XPO5: variants seen among roughly 807,000 people sequenced by gnomAD.
XPO5 encodes exportin 5.
Under a neutral mutation model 160.6 loss-of-function variants are expected in XPO5, and 46 were observed. The ratio of observed to expected loss-of-function variants is 0.29; its 90% confidence interval spans 0.23 to 0.37. XPO5 has a LOEUF of 0.37. Among genes scored for constraint, XPO5 ranks in the 10% least tolerant of loss-of-function variants. XPO5 has a pLI of 1.00. For missense variants in XPO5, 1,090 were observed against 1,463.9 expected (o/e 0.74, Z 4.17); for synonymous variants, 537 against 519.3 (o/e 1.03, Z -0.46).
At chr6:43,547,759 A>G (rs1454993143) in intron 18 of XPO5, 52 bp from the exon 19 acceptor site, 23 of 1,533,846 alleles carry the variant, frequency 1.5e-5, no homozygotes, top group Admixed American at 3.4e-5. Context: ...AAACAAGGAC[A>G]GTTTCTTCCA....
At chr6:43,565,122 G>A (rs1044268128) in intron 8 of XPO5, among the ~76,000 whole-genome samples, 4 of 151,812 alleles carry the variant, frequency 2.6e-5, no homozygotes, top group Non-Finnish European at 5.9e-5. Flanking sequence ...GGGTTTCACC[G>A]TGTTGGCCAG....
rs753409228 is a variant in XPO5 at position 43,523,689 on chromosome 6, T to C, written c.*179A>G. The C allele has an allele frequency of 1.1e-5, 10 of 948,038 alleles. No homozygotes were observed. Among genetic ancestry groups the C allele is most frequent in the Admixed American group, 6.8e-5 (4 of 59,106 alleles). The allele number at this position is 948,038 out of a possible 1,614,324, so 58.7% of individuals were successfully genotyped here. On this transcript the variant is annotated 3_prime_UTR_variant, in exon 32 of 32. Transcript: ENST00000265351. ...GCCCTAACTCCCTTTCTTGATACTTTAGTATAATTACTTCTGGTCCTGCAC... is the reference window on the plus strand; with the variant it reads ...GCCCTAACTCCCTTTCTTGATACTTCAGTATAATTACTTCTGGTCCTGCAC...
intron 26 of XPO5, chr6:43,526,978 TGA>T (rs1793638058): frequency 7.7e-6 from 4 of 521,002 alleles, no homozygotes; most frequent in African/African-American, 3.8e-5. Flanking sequence ...CAGAATTCTC[TGA>T]GAGTGAGTGA....
At chr6:43,571,167 A>T (rs1358391124) in intron 3 of XPO5, among the ~76,000 whole-genome samples, 173 bp from the exon 4 acceptor site, 1 of 152,064 alleles carries the variant, frequency 6.6e-6, no homozygotes, top group Non-Finnish European at 1.5e-5. Context: ...CTTGCTAATC[A>T]CTCTTCCGCT....
intron 20 of XPO5, among the ~76,000 whole-genome samples, chr6:43,542,868 T>G (rs918366112): frequency 6.6e-6 from 1 of 152,210 alleles, no homozygotes; most frequent in Non-Finnish European, 1.5e-5. Context: ...CTCCTATGTG[T>G]GTATCCAACA....
At position 43,531,518 on chromosome 6, in the gene XPO5, T is replaced by C. The variant is rs761302616; in HGVS notation, c.2501A>G (p.Glu834Gly). 2 of 1,614,016 alleles carry C rather than the reference T, an allele frequency of 1.2e-6. No homozygotes were observed. The highest frequency in any genetic ancestry group is 1.7e-6 in the Non-Finnish European group (2 of 1,179,882). The change falls in exon 22 of 32, where the codon GAA (glutamate) becomes GGA (glycine). Residue 834 changes from glutamate to glycine, a missense_variant. Glu to Gly is a moderately conservative substitution (Grantham distance 98). This residue lies in a region of XPO5 where 810 missense variants were observed against 1,139.0 expected (regional missense o/e 0.71). Coordinates refer to ENST00000265351, the MANE Select transcript of XPO5 (RefSeq NM_020750.3). ...NDSPVFKTVL[E>G]RMQRFFSTLY... The stretch of plus-strand genomic sequence containing the variant: ...GGTAGAGAAGAAACGCTGCATTCTT[T>C]CCAAGACGGTTTTGAAGACAGGAGA...
At chr6:43,525,484 T>C in intron 28 of XPO5, 1 of 507,634 alleles carries the variant, frequency 2.0e-6, no homozygotes, top group Admixed American at 3.6e-5. Flanking sequence ...TAAAAGGAGT[T>C]TACTTCCTCT....
chr6:43,530,785 T>C lies in XPO5; in HGVS notation c.2580A>G (p.Gln860=), dbSNP rs41281818. The C allele has an allele frequency of 5.2e-4, 843 of 1,613,302 alleles. 1 individual carries two copies. Among genetic ancestry groups the C allele is most frequent in the Non-Finnish European group, 6.8e-4 (801 of 1,179,656 alleles). ...ILGKAGPSMQ[Q]DFYTVEDLAT... ...CAAGGTCCTCCACAGTATAGAAGTC[T>C]TGCTGCATGGAAGGGCCTGCCTTCC... The change falls in exon 23 of 32, where the codon CAA becomes CAG. Residue 860 remains glutamine, a synonymous_variant. Coordinates refer to ENST00000265351, the MANE Select transcript of XPO5 (RefSeq NM_020750.3).
At position 43,547,784 on chromosome 6, in the gene XPO5, C is replaced by CTA. The variant is rs549884121; in HGVS notation, c.2061-79_2061-78dup. On this transcript the variant is annotated intron_variant, in intron 18 of 31. Transcript: ENST00000265351. ...AGTTTCTTCCACAGGAGTTAACAGG[C>CTA]TATCATTATTTGGCCCTTAAGAGCA... is the stretch of plus-strand genomic sequence containing the variant. 5,417 of 1,326,162 alleles carry CTA rather than the reference C, an allele frequency of 4.1e-3. 16 individuals are homozygous for CTA. Among genetic ancestry groups the CTA allele is most frequent in the Non-Finnish European group, 5.2e-3 (4,872 of 930,388 alleles). The allele number at this position is 1,326,162 out of a possible 1,614,324, so 82.1% of individuals were successfully genotyped here.
chr6:43,559,878 C>T (rs887981013), intron 11 of XPO5, among the ~76,000 whole-genome samples: 9 of 152,090 alleles, frequency 5.9e-5, no homozygotes, highest in Admixed American at 1.3e-4. Context: ...TGCAGTGCTG[C>T]GATCTCAGCT....
chr6:43,540,767 C>T (rs1289765729), intron 20 of XPO5, among the ~76,000 whole-genome samples: 1 of 152,230 alleles, frequency 6.6e-6, no homozygotes, highest in East Asian at 1.9e-4. Context: ...CATGAGCCAA[C>T]ATGCCCAGCC....
At chr6:43,549,615 T>C (rs1242776741) in intron 16 of XPO5, 37 bp from the exon 17 acceptor site, 2 of 1,601,046 alleles carry the variant, frequency 1.2e-6, no homozygotes, top group East Asian at 4.5e-5. Flanking sequence ...GAGCTGCTTT[T>C]AATATAATAT....
intron 12 of XPO5, 34 bp downstream of exon 12, chr6:43,558,467 C>A: frequency 6.5e-7 from 1 of 1,539,966 alleles, no homozygotes; most frequent in Non-Finnish European, 8.8e-7. Flanking sequence ...CATTCTGAGA[C>A]TGTTGAGAGA....
intron 7 of XPO5, among the ~76,000 whole-genome samples, chr6:43,566,396 A>AAAAT (rs1005359857): frequency 3.0e-4 from 45 of 152,182 alleles, no homozygotes; most frequent in South Asian, 8.3e-4. Flanking sequence ...TCCATCTCAA[A>AAAAT]AAATAAATAA....
At chr6:43,538,405 C>G (rs1388469402) in intron 20 of XPO5, among the ~76,000 whole-genome samples, 2 of 152,008 alleles carry the variant, frequency 1.3e-5, no homozygotes, top group African/African-American at 4.8e-5. Flanking sequence ...CTGCCTCGGC[C>G]TCCCAAACTG....
intron 20 of XPO5, among the ~76,000 whole-genome samples, chr6:43,545,383 T>C (rs1402562866): frequency 6.6e-6 from 1 of 152,098 alleles, no homozygotes; most frequent in Non-Finnish European, 1.5e-5. Flanking sequence ...CAAAAAGTAC[T>C]GAAACAGAGC....
At chr6:43,525,317 C>T in intron 28 of XPO5, 103 bp from the exon 29 acceptor site, 3 of 1,114,786 alleles carry the variant, frequency 2.7e-6, no homozygotes, top group Non-Finnish European at 3.8e-6. Context: ...TTTCCTCCCC[C>T]CCTCTAAAGA....
chr6:43,571,047 C>T (rs1325788241), intron 3 of XPO5, 53 bp from the exon 4 acceptor site: 8 of 1,555,184 alleles, frequency 5.1e-6, no homozygotes, highest in African/African-American at 2.8e-5. Flanking sequence ...TTCCAGACTT[C>T]CAGAAAAAAG....
At chr6:43,559,614 C>A (rs777111099) in intron 11 of XPO5, among the ~76,000 whole-genome samples, 1 of 152,198 alleles carries the variant, frequency 6.6e-6, no homozygotes, top group African/African-American at 2.4e-5. Flanking sequence ...TGCTTTTAAC[C>A]CCTGAATAGC....
Sources: allele counts gnomAD v4.1 joint callset (sites outside exome capture counted in the v4.1 genomes callset), GRCh38; gene constraint gnomAD v4.1.1; regional missense constraint gnomAD v4.1.1; transcripts MANE v1.5; gene names NCBI Gene and HGNC (gene_info 2026-07-23, HGNC 2026-07-21).